The following RTN1 variants were observed in gnomAD, a reference collection of about 807,000 sequenced individuals.
RTN1 encodes reticulon 1.
Under a neutral mutation model 65.5 loss-of-function variants are expected in RTN1, and 25 were observed. The ratio of observed to expected loss-of-function variants is 0.38; its 90% CI spans 0.28 to 0.53. The LOEUF (loss-of-function observed/expected upper bound fraction) is 0.53, where lower values mean the gene tolerates loss of function less well. Ranked by LOEUF, RTN1 falls within the 20% of genes least tolerant of loss-of-function variation. The pLI is 0.79. For missense variants in RTN1, 983 were observed against 1,025.4 expected, an observed-to-expected ratio of 0.96 and a Z score of 0.57; for synonymous variants, 471 against 447.6, an observed-to-expected ratio of 1.05 and a Z score of -0.66.
chr14:59,620,634 T>C lies in RTN1; in HGVS notation c.1766-13142A>G, dbSNP rs534220584. Among the ~76,000 whole-genome samples, 365 of 152,372 alleles carry C rather than the reference T, an allele frequency of 2.4e-3. 2 individuals carry two copies. Among genetic ancestry groups the C allele is most frequent in the African/African-American group, 8.3e-3 (345 of 41,604 alleles). On this transcript the variant is annotated intron_variant, in intron 3 of 8. Coordinates refer to ENST00000267484, the MANE Select transcript of RTN1 (RefSeq NM_021136.3). ...TTAGAAAATTTATATTTGTGGCTTA[T>C]ATTATATTTCTATTAAACAGTGCTG...
At chr14:59,780,973 C>T (rs923109659) in intron 1 of RTN1, among the ~76,000 whole-genome samples, 6 of 152,190 alleles carry the variant, frequency 3.9e-5, no homozygotes, top group African/African-American at 1.2e-4. Flanking sequence ...GATGCCACTC[C>T]AGGGCATGGC....
chr14:59,723,332 T>C (rs1458841729), intron 3 of RTN1, among the ~76,000 whole-genome samples: 2 of 151,154 alleles, frequency 1.3e-5, no homozygotes, highest in African/African-American at 2.4e-5. Context: ...CCTGGCCGAG[T>C]GCGGTGGCTC....
At chr14:59,672,892 G>A (rs1458567431) in intron 3 of RTN1, among the ~76,000 whole-genome samples, 12 of 150,784 alleles carry the variant, frequency 8.0e-5, no homozygotes, top group East Asian at 3.9e-4. Flanking sequence ...CACCCGCCTC[G>A]GCCTCCCAAA....
At chr14:59,600,028 G>A (rs1240186354) in intron 8 of RTN1, among the ~76,000 whole-genome samples, 1 of 152,064 alleles carries the variant, frequency 6.6e-6, no homozygotes, top group African/African-American at 2.4e-5. Flanking sequence ...CCTCTACAGT[G>A]TTTATTTTGC....
chr14:59,713,029 A>G (rs1443224920), intron 3 of RTN1, among the ~76,000 whole-genome samples: 1 of 152,178 alleles, frequency 6.6e-6, no homozygotes, highest in Non-Finnish European at 1.5e-5. Context: ...TAAGCACTTT[A>G]CCTAAATTAT....
At chr14:59,788,084 C>T (rs1225560827) in intron 1 of RTN1, among the ~76,000 whole-genome samples, 1 of 152,144 alleles carries the variant, frequency 6.6e-6, no homozygotes, top group Non-Finnish European at 1.5e-5. Flanking sequence ...GCAGGTATTT[C>T]ATTGTATGAA....
intron 3 of RTN1, among the ~76,000 whole-genome samples, chr14:59,685,220 G>A (rs750177919): frequency 3.9e-5 from 6 of 152,066 alleles, no homozygotes; most frequent in Admixed American, 1.3e-4. Context: ...CATACCGAAC[G>A]GGAAAAGTTG....
intron 3 of RTN1, among the ~76,000 whole-genome samples, chr14:59,662,163 CT>C (rs145206066): frequency 0.078 from 11,589 of 148,078 alleles, 1,474 homozygotes; most frequent in African/African-American, 0.27. Flanking sequence ...TTTCTTTTTT[CT>C]TTTTTTTTTA....
chr14:59,603,898 C>A lies in RTN1; in HGVS notation c.2136G>T (p.Leu712=). ...SLKFAVLMWL[L]TYVGALFNGL... ...CATTGAAGAGAGCGCCAACGTAGGTCAGGAGCCACATCAGGACTGCAAACT... is the reference window on the plus strand; with the variant it reads ...CATTGAAGAGAGCGCCAACGTAGGTAAGGAGCCACATCAGGACTGCAAACT... The change falls in exon 6 of 9, where the codon CTG becomes CTT. Residue 712 remains leucine, a synonymous_variant. Transcript: ENST00000267484. The A allele has an allele frequency of 1.2e-6, 2 of 1,611,946 alleles. No homozygotes were observed. The highest frequency in any genetic ancestry group is 2.2e-5 in the South Asian group (2 of 91,006).
intron 3 of RTN1, among the ~76,000 whole-genome samples, chr14:59,608,224 A>G (rs1881829398): frequency 6.6e-6 from 1 of 152,244 alleles, no homozygotes; most frequent in African/African-American, 2.4e-5. Flanking sequence ...GGTATGTGAC[A>G]AATGGTTTTT....
chr14:59,827,303 C>T (rs1887050105), intron 1 of RTN1, among the ~76,000 whole-genome samples: 1 of 152,208 alleles, frequency 6.6e-6, no homozygotes, highest in African/African-American at 2.4e-5. Context: ...TGGTCTCAAT[C>T]TCCTGACCTC....
At position 59,870,403 on chromosome 14, in the gene RTN1, T is replaced by G; in HGVS notation, c.228A>C (p.Glu76Asp). The change falls in exon 1 of 9, where the codon GAA becomes GAC. Residue 76 changes from glutamate (E) to aspartate (D), a missense_variant. Glu to Asp is a conservative substitution (Grantham distance 45). Coordinates refer to ENST00000267484, the MANE Select transcript of RTN1 (RefSeq NM_021136.3). This position sits in a 1 kb window ranked among gnomAD's most constrained non-coding sequence, Gnocchi z 5.1. ...GPARQSPVAM[E>D]TASTGVAGVS... The stretch of plus-strand genomic sequence containing the variant: ...CGCCCGCCTTACCTGTGGATGCAGT[T>G]TCCATGGCAACGGGCGACTGCCGGG... 1 of 1,525,768 alleles carries G rather than the reference T, an allele frequency of 6.6e-7. No homozygotes were observed. 94.5% of individuals were successfully genotyped at this position (1,525,768 alleles called of 1,614,324 possible). A position where few individuals can be genotyped will look rare whatever the true frequency, so the allele number is the denominator to read the frequency against.
intron 1 of RTN1, among the ~76,000 whole-genome samples, chr14:59,798,643 C>A (rs1213762722): frequency 2.6e-5 from 4 of 152,122 alleles, no homozygotes; most frequent in African/African-American, 9.7e-5. Context: ...GATCTTCCTG[C>A]CTGCCTCATC....
intron 3 of RTN1, among the ~76,000 whole-genome samples, chr14:59,632,475 G>T (rs1186875143): frequency 6.6e-6 from 1 of 152,162 alleles, no homozygotes; most frequent in Non-Finnish European, 1.5e-5. Context: ...GTAAGGCAGG[G>T]GTTGCCTGGT....
At chr14:59,597,392 C>T (rs1881435133) in intron 8 of RTN1, among the ~76,000 whole-genome samples, 1 of 152,250 alleles carries the variant, frequency 6.6e-6, no homozygotes, top group African/African-American at 2.4e-5. Context: ...GACTAGATAT[C>T]TCCAGGGTCC....
chr14:59,768,215 G>A (rs1266340902), intron 1 of RTN1, among the ~76,000 whole-genome samples: 1 of 152,160 alleles, frequency 6.6e-6, no homozygotes, highest in Admixed American at 6.5e-5. Context: ...ACAGTACCTA[G>A]CACTTAATAA....
chr14:59,833,907 G>C (rs1444862310), intron 1 of RTN1, among the ~76,000 whole-genome samples: 1 of 152,104 alleles, frequency 6.6e-6, no homozygotes, highest in Non-Finnish European at 1.5e-5. Flanking sequence ...ATTTTCCCTT[G>C]ATTCAAAAAT....
intron 3 of RTN1, among the ~76,000 whole-genome samples, chr14:59,706,990 T>C (rs1884308352): frequency 6.6e-6 from 1 of 152,212 alleles, no homozygotes; most frequent in Non-Finnish European, 1.5e-5. Flanking sequence ...AAAAGTTTCT[T>C]TGTTACTCTC....
intron 3 of RTN1, among the ~76,000 whole-genome samples, chr14:59,684,605 C>A (rs1211696665): frequency 3.3e-5 from 5 of 152,008 alleles, no homozygotes; most frequent in African/African-American, 1.2e-4. Context: ...TTTCTTCATG[C>A]TTTATAGGTC....
Sources: allele counts gnomAD v4.1 joint callset (sites outside exome capture counted in the v4.1 genomes callset), GRCh38; gene constraint gnomAD v4.1.1; non-coding constraint Gnocchi (gnomAD v3.1); transcripts MANE v1.5; gene names NCBI Gene and HGNC (gene_info 2026-07-23, HGNC 2026-07-21).